The following ESRRG variants were observed in gnomAD, a reference collection of about 807,000 sequenced individuals.
ESRRG encodes estrogen related receptor gamma, also known as estrogen-related receptor gamma.
A neutral mutation model predicts 44.0 loss-of-function variants in ESRRG; 13 were observed. The observed-to-expected ratio is 0.30, with a 90% CI of 0.19 to 0.47. ESRRG has a LOEUF of 0.47. Ranked by LOEUF, ESRRG falls within the 20% of genes least tolerant of loss-of-function variation. The pLI is 1.00. For missense variants in ESRRG, 395 were observed against 580.6 expected, an observed-to-expected ratio of 0.68 and a Z score of 3.29; for synonymous variants, 215 against 214.6, an observed-to-expected ratio of 1.00 and a Z score of -0.02.
At chr1:217,016,322 G>T (rs1430699782) in intron 1 of ESRRG, among the ~76,000 whole-genome samples, 2 of 151,804 alleles carry the variant, frequency 1.3e-5, no homozygotes, top group Non-Finnish European at 2.9e-5. Context: ...TACTAAATTT[G>T]GAGTCAGATG....
chr1:216,996,778 A>T (rs529197950), intron 1 of ESRRG, among the ~76,000 whole-genome samples: 1 of 152,330 alleles, frequency 6.6e-6, no homozygotes, highest in African/African-American at 2.4e-5. Flanking sequence ...TTCAGCCAAT[A>T]TTCACTAAAC....
intron 1 of ESRRG, among the ~76,000 whole-genome samples, chr1:217,004,721 C>A (rs893036110): frequency 2.6e-5 from 4 of 152,102 alleles, no homozygotes; most frequent in Non-Finnish European, 5.9e-5. Flanking sequence ...ATAACTATAT[C>A]AATCAATTAA....
At chr1:216,925,687 A>C (rs1209443798) in intron 2 of ESRRG, among the ~76,000 whole-genome samples, 1 of 149,972 alleles carries the variant, frequency 6.7e-6, no homozygotes, top group Non-Finnish European at 1.5e-5. Flanking sequence ...GTGGTGGCTC[A>C]CTCCTGTAAT....
intron 2 of ESRRG, among the ~76,000 whole-genome samples, chr1:216,865,921 G>A (rs1031644193): frequency 2.0e-5 from 3 of 151,994 alleles, no homozygotes; most frequent in South Asian, 2.1e-4. Context: ...GAGTCTTAAC[G>A]CTTTATAGTA....
At chr1:216,745,644 C>T (rs1039380268) in intron 2 of ESRRG, among the ~76,000 whole-genome samples, 2 of 152,170 alleles carry the variant, frequency 1.3e-5, no homozygotes, top group African/African-American at 4.8e-5. Context: ...GTATTCAATG[C>T]AGGCTGGTTA....
At chr1:217,123,724 A>C (rs2092852843) in intron 1 of ESRRG, among the ~76,000 whole-genome samples, 4 of 152,056 alleles carry the variant, frequency 2.6e-5, no homozygotes, top group Admixed American at 2.6e-4. Flanking sequence ...GGACACAGGG[A>C]GGGGAAAAAC....
chr1:217,048,098 C>G (rs1256960334), intron 1 of ESRRG, among the ~76,000 whole-genome samples: 1 of 152,118 alleles, frequency 6.6e-6, no homozygotes, highest in Non-Finnish European at 1.5e-5. Flanking sequence ...TAGAGGAGCC[C>G]AGAGTAGAGG....
chr1:216,941,432 C>T (rs1291825545), intron 1 of ESRRG, among the ~76,000 whole-genome samples: 2 of 152,154 alleles, frequency 1.3e-5, no homozygotes, highest in Non-Finnish European at 2.9e-5. Context: ...AACTCTACAA[C>T]TTGTCATACT....
intron 2 of ESRRG, among the ~76,000 whole-genome samples, chr1:216,904,863 T>A (rs1413043460): frequency 6.6e-6 from 1 of 152,126 alleles, no homozygotes; most frequent in African/African-American, 2.4e-5. Context: ...ATAAGAAGAA[T>A]GCACGAAACA....
At chr1:217,030,067 G>T (rs182378644) in intron 1 of ESRRG, among the ~76,000 whole-genome samples, 137 of 152,252 alleles carry the variant, frequency 9.0e-4, no homozygotes, top group African/African-American at 3.2e-3. Context: ...CTTCTACTGG[G>T]ATGCTGACCA....
intron 1 of ESRRG, among the ~76,000 whole-genome samples, chr1:217,068,458 A>G (rs2090095002): frequency 6.6e-6 from 1 of 151,948 alleles, no homozygotes; most frequent in African/African-American, 2.4e-5. Context: ...CAAGACTGGA[A>G]TCTCTAAGAG....
At chr1:217,133,846 A>G (rs918884277) in intron 1 of ESRRG, among the ~76,000 whole-genome samples, 2 of 151,988 alleles carry the variant, frequency 1.3e-5, no homozygotes, top group African/African-American at 4.8e-5. Flanking sequence ...GCGCATTTAC[A>G]GTTGGGGAAT....
At chr1:216,948,688 G>T (rs372600126) in intron 1 of ESRRG, among the ~76,000 whole-genome samples, 2 of 152,034 alleles carry the variant, frequency 1.3e-5, no homozygotes, top group Non-Finnish European at 2.9e-5. Context: ...AACAATCATA[G>T]CTCTGAGGCT....
At chr1:217,102,520 C>T (rs2092532042) in intron 1 of ESRRG, among the ~76,000 whole-genome samples, 3 of 152,162 alleles carry the variant, frequency 2.0e-5, no homozygotes, top group Non-Finnish European at 4.4e-5. Flanking sequence ...CCATTGCGTA[C>T]TGCCTGGGCT....
At chr1:216,861,930 A>G (rs1262952043) in intron 2 of ESRRG, among the ~76,000 whole-genome samples, 1 of 152,224 alleles carries the variant, frequency 6.6e-6, no homozygotes, top group Non-Finnish European at 1.5e-5. Context: ...ATGATAAATG[A>G]GCACATGAAA....
intron 1 of ESRRG, among the ~76,000 whole-genome samples, chr1:217,026,748 G>C (rs1243551534): frequency 1.3e-5 from 2 of 152,030 alleles, no homozygotes; most frequent in African/African-American, 2.4e-5. Context: ...AGCCTACAGT[G>C]CCATGTGGAT....
At chr1:216,919,529 C>T (rs1189089793) in intron 2 of ESRRG, among the ~76,000 whole-genome samples, 3 of 152,100 alleles carry the variant, frequency 2.0e-5, no homozygotes, top group African/African-American at 7.2e-5. Context: ...ACAATGTTTT[C>T]TAGTAAACAA....
chr1:216,989,386 T>C (rs977709209), intron 1 of ESRRG, among the ~76,000 whole-genome samples: 12 of 144,072 alleles, frequency 8.3e-5, no homozygotes, highest in Non-Finnish European at 1.6e-4. Context: ...TGAGCCGTGA[T>C]GTTGCCACTG....
At chr1:217,043,623 C>T (rs1251545093) in intron 1 of ESRRG, among the ~76,000 whole-genome samples, 1 of 145,816 alleles carries the variant, frequency 6.9e-6, no homozygotes, top group Non-Finnish European at 1.5e-5. Context: ...ATTGAGCCAA[C>T]TTCTCAGGAT....
Sources: allele counts gnomAD v4.1 joint callset (sites outside exome capture counted in the v4.1 genomes callset), GRCh38; gene constraint gnomAD v4.1.1; transcripts MANE v1.5; gene names NCBI Gene and HGNC (gene_info 2026-07-23, HGNC 2026-07-21).